The following CTIF variants were observed in gnomAD, a reference collection of about 807,000 sequenced individuals.
CTIF encodes CBP80/20-dependent translation initiation factor.
CTIF carries 21 observed loss-of-function variants against 66.0 expected under a neutral mutation model. That is an observed-to-expected ratio of 0.32 (90% confidence interval 0.23 to 0.46). The LOEUF is 0.46. Among genes scored for constraint, CTIF ranks in the 20% least tolerant of loss-of-function variants. The pLI, the probability that CTIF is intolerant of heterozygous loss-of-function variation, is 1.00. For synonymous variants in CTIF, 345 were observed against 326.4 expected (o/e 1.06, Z -0.62); for missense variants, 739 against 812.7 (o/e 0.91, Z 1.10).
At chr18:48,672,870 C>T (rs2091558525) in intron 6 of CTIF, among the ~76,000 whole-genome samples, 1 of 152,158 alleles carries the variant, frequency 6.6e-6, no homozygotes, top group Admixed American at 6.5e-5. Flanking sequence ...CACCCTTGCC[C>T]AGCCTCTGTC....
At chr18:48,760,292 A>T (rs1908855358) in intron 8 of CTIF, 1 of 147,970 alleles carries the variant, frequency 6.8e-6, no homozygotes, top group South Asian at 2.1e-4. Flanking sequence ...GGTTCATGCC[A>T]TTCTCCTGCC....
intron 2 of CTIF, among the ~76,000 whole-genome samples, chr18:48,633,721 AAAT>A (rs1352371658): frequency 6.6e-6 from 1 of 151,722 alleles, no homozygotes; most frequent in Non-Finnish European, 1.5e-5. Flanking sequence ...ATAAATAAAT[AAAT>A]AAATAAATAA....
intron 1 of CTIF, among the ~76,000 whole-genome samples, chr18:48,584,062 A>G (rs1258478596): frequency 6.6e-6 from 1 of 152,200 alleles, no homozygotes; most frequent in African/African-American, 2.4e-5. Flanking sequence ...ATTTTGAAGA[A>G]AGCGGCCCCT....
chr18:48,736,939 A>G (rs1032688401), intron 7 of CTIF, among the ~76,000 whole-genome samples: 2 of 152,114 alleles, frequency 1.3e-5, no homozygotes, highest in Non-Finnish European at 2.9e-5. Flanking sequence ...TGAACTCCCT[A>G]GAACTGCATC....
chr18:48,603,183 T>C (rs1199660706), intron 1 of CTIF, among the ~76,000 whole-genome samples: 2 of 143,100 alleles, frequency 1.4e-5, no homozygotes. Flanking sequence ...GATAGATGGG[T>C]GGGTGGATAG....
chr18:48,555,003 C>T (rs2088983317), intron 1 of CTIF, among the ~76,000 whole-genome samples: 1 of 152,230 alleles, frequency 6.6e-6, no homozygotes, highest in African/African-American at 2.4e-5. Flanking sequence ...GCCAAATCTT[C>T]TTTTGGAGGT....
chr18:48,816,317 G>A (rs2068363142), intron 9 of CTIF, among the ~76,000 whole-genome samples: 3 of 152,192 alleles, frequency 2.0e-5, no homozygotes, highest in Admixed American at 2.0e-4. Flanking sequence ...AAGACAAGAG[G>A]TAGGGGAAAT....
intron 6 of CTIF, among the ~76,000 whole-genome samples, chr18:48,681,851 T>C (rs2091749029): frequency 6.6e-6 from 1 of 152,118 alleles, no homozygotes; most frequent in Non-Finnish European, 1.5e-5. Context: ...AATGGCTCGA[T>C]CTTGGCTCAC....
chr18:48,765,158 G>A (rs995439515), intron 9 of CTIF, among the ~76,000 whole-genome samples: 4 of 152,210 alleles, frequency 2.6e-5, no homozygotes, highest in African/African-American at 9.6e-5. Context: ...CACCTCCAGG[G>A]ATGTCTTTTT....
intron 9 of CTIF, among the ~76,000 whole-genome samples, chr18:48,791,138 G>A (rs1269335366): frequency 6.6e-6 from 1 of 152,248 alleles, no homozygotes; most frequent in Admixed American, 6.5e-5. Context: ...TTGACACCAG[G>A]CCAAAGGAGG....
At chr18:48,560,408 G>A (rs927258624) in intron 1 of CTIF, among the ~76,000 whole-genome samples, 1 of 151,880 alleles carries the variant, frequency 6.6e-6, no homozygotes, top group African/African-American at 2.4e-5. Context: ...TGTATTTTTA[G>A]TAGAGATGGG....
chr18:48,715,099 T>C (rs2092266938), intron 7 of CTIF, among the ~76,000 whole-genome samples: 1 of 152,192 alleles, frequency 6.6e-6, no homozygotes, highest in Non-Finnish European at 1.5e-5. Context: ...TTCCTTCCCC[T>C]GGATCCACTT....
intron 9 of CTIF, among the ~76,000 whole-genome samples, chr18:48,776,270 CCT>C (rs1213632632): frequency 2.0e-5 from 3 of 152,230 alleles, no homozygotes; most frequent in African/African-American, 4.8e-5. Flanking sequence ...CCAACCAGCC[CCT>C]CTTTGTGCAC....
At chr18:48,769,489 C>T (rs183799140) in intron 9 of CTIF, among the ~76,000 whole-genome samples, 10 of 152,370 alleles carry the variant, frequency 6.6e-5, no homozygotes, top group Admixed American at 2.0e-4. Flanking sequence ...TGCTGAAGCC[C>T]GTGCCCTGCA....
chr18:48,591,454 T>A (rs1249270025), intron 1 of CTIF, among the ~76,000 whole-genome samples: 1 of 152,208 alleles, frequency 6.6e-6, no homozygotes, highest in Non-Finnish European at 1.5e-5. Context: ...ACGTCCAGTA[T>A]GTGCCCTTAC....
chr18:48,859,686 C>T lies in CTIF; in HGVS notation c.*127C>T, dbSNP rs575335946. 3.1e-5 allele frequency: 27 copies of T among 865,536 alleles called. 1 individual carries two copies. Among genetic ancestry groups the T allele is most frequent in the East Asian group, 2.6e-4 (10 of 38,252 alleles). The allele number at this position is 865,536 out of a possible 1,614,324, so 53.6% of individuals were successfully genotyped here. ...AAATGGGGAGGAGGGCAGGCAGAGT[C>T]GGTGGCCAGTCTGGAGCCAGACGGG... On this transcript the variant is annotated 3_prime_UTR_variant, in exon 12 of 12. Coordinates refer to ENST00000256413, the MANE Select transcript of CTIF (RefSeq NM_014772.3).
intron 2 of CTIF, 58 bp downstream of exon 2, chr18:48,619,803 G>A (rs2090461249): frequency 2.8e-6 from 4 of 1,418,174 alleles, no homozygotes; most frequent in African/African-American, 1.4e-5. Flanking sequence ...TGATGCAGGA[G>A]CCCCTAATTC....
At chr18:48,659,743 G>C (rs1210206217) in intron 3 of CTIF, among the ~76,000 whole-genome samples, 1 of 152,210 alleles carries the variant, frequency 6.6e-6, no homozygotes, top group Non-Finnish European at 1.5e-5. Flanking sequence ...CTGTGGGGCA[G>C]AGCGAGAGAG....
At chr18:48,757,858 C>T (rs1290495635) in intron 7 of CTIF, 61 bp from the exon 8 acceptor site, 19 of 1,553,902 alleles carry the variant, frequency 1.2e-5, no homozygotes, top group Non-Finnish European at 1.6e-5. Context: ...CGGCTGGGCA[C>T]AGGGACTCTG....
Sources: gnomAD v4.1 joint callset for allele counts (sites outside exome capture counted in the v4.1 genomes callset) on GRCh38, gnomAD v4.1.1 for gene constraint, MANE v1.5 for transcripts, NCBI Gene and HGNC (gene_info 2026-07-23, HGNC 2026-07-21) for gene names.